Variants in PSIP1 observed in about 807,000 individuals in gnomAD.
PSIP1 encodes the protein PC4 and SRSF1 interacting protein 1, also known as PC4 and SFRS1-interacting protein.
PSIP1 carries 19 observed loss-of-function variants against 74.7 expected under a neutral mutation model. The ratio of observed to expected loss-of-function variants is 0.25; its 90% CI spans 0.18 to 0.37. The LOEUF (loss-of-function observed/expected upper bound fraction) is 0.37, where lower values mean the gene tolerates loss of function less well. Among genes scored for constraint, PSIP1 ranks in the 10% least tolerant of loss-of-function variants. PSIP1 has a pLI of 1.00. For missense variants in PSIP1, 601 were observed against 614.3 expected (o/e 0.98, Z 0.23); for synonymous variants, 222 against 195.3 (o/e 1.14, Z -1.14).
intron 15 of PSIP1, among the ~76,000 whole-genome samples, chr9:15,466,386 A>T (rs1587447299): frequency 6.6e-6 from 1 of 152,116 alleles, no homozygotes; most frequent in East Asian, 1.9e-4. Context: ...CTCAAAGAAA[A>T]AACAACAACA....
intron 3 of PSIP1, among the ~76,000 whole-genome samples, chr9:15,493,655 C>T (rs1271897069): frequency 2.0e-5 from 3 of 152,130 alleles, no homozygotes; most frequent in African/African-American, 4.8e-5. Context: ...GGGGAGGCCT[C>T]AGGAAACTTA....
intron 5 of PSIP1, 37 bp downstream of exon 5, chr9:15,486,790 A>C: frequency 4.2e-6 from 6 of 1,443,200 alleles, no homozygotes; most frequent in Non-Finnish European, 5.8e-6. Context: ...TCCTTGAAAC[A>C]AAATGGGTTT....
At chr9:15,493,722 C>G (rs987847072) in intron 3 of PSIP1, among the ~76,000 whole-genome samples, 34 of 152,274 alleles carry the variant, frequency 2.2e-4, no homozygotes, top group African/African-American at 8.2e-4. Flanking sequence ...TGAGCGCAAG[C>G]AGGGGAAATG....
In PSIP1 at chr9:15,510,169, G is replaced by C; in HGVS notation, c.20C>G (p.Pro7Arg). Residue 7 changes from proline to arginine, a missense_variant, in exon 2 of 16, where the codon CCT becomes CGT. This residue lies in a region of PSIP1 where 63 missense variants were observed against 106.7 expected (regional missense o/e 0.59). Transcript: ENST00000380733. ...CATCTTGGCGAAGATGAGGTCTCCAGGTTTGAAATCGCGAGTCATGTTTCG... is the reference window on the plus strand; with the variant it reads ...CATCTTGGCGAAGATGAGGTCTCCACGTTTGAAATCGCGAGTCATGTTTCG... MTRDFK[P>R]GDLIFAKMKG... The C allele has an allele frequency of 6.2e-7, 1 of 1,606,768 alleles. No homozygotes were observed. The highest frequency in any genetic ancestry group is 8.5e-7 in the Non-Finnish European group (1 of 1,176,860).
chr9:15,473,965 A>T (rs750648344), intron 9 of PSIP1, 44 bp downstream of exon 9: 1 of 1,369,926 alleles, frequency 7.3e-7, no homozygotes, highest in Admixed American at 2.3e-5. Context: ...ATATATATAT[A>T]AACTAAGAAT....
intron 10 of PSIP1, chr9:15,472,372 G>C (rs1225236854): frequency 1.6e-6 from 2 of 1,265,940 alleles, no homozygotes; most frequent in African/African-American, 3.1e-5. Context: ...TGCAAAGCCA[G>C]TATCAATTAA....
At position 15,470,523 on chromosome 9, in the gene PSIP1, C is replaced by T. The variant is rs150302178; in HGVS notation, c.978-530G>A. The T allele has an allele frequency of 3.6e-4, 301 of 835,294 alleles. 1 individual carries two copies. The African/African-American group carries it at 5.4e-3, about 15-fold the overall frequency. 51.7% of individuals were successfully genotyped at this position (835,294 alleles called of 1,614,324 possible). A position where few individuals can be genotyped will look rare whatever the true frequency, so the allele number is the denominator to read the frequency against. ...AAAGGTACCATTTTATTGTCAATCA[C>T]AAAAATAACCACTTAAAATTGAAAT... On this transcript the variant is annotated intron_variant, in intron 10 of 15. Transcript: ENST00000380733.
At chr9:15,472,045 T>G (rs1025006513) in intron 10 of PSIP1, 16 of 971,814 alleles carry the variant, frequency 1.6e-5, no homozygotes, top group Non-Finnish European at 2.0e-5. Context: ...TAAAATTATA[T>G]AGTAAGGGGA....
intron 3 of PSIP1, among the ~76,000 whole-genome samples, chr9:15,493,703 G>C (rs960653609): frequency 6.6e-6 from 1 of 152,202 alleles, no homozygotes; most frequent in Non-Finnish European, 1.5e-5. Context: ...AGGGACCCAG[G>C]AGAGGGAATG....
intron 3 of PSIP1, chr9:15,505,857 G>C (rs1255653118): frequency 1.3e-5 from 2 of 152,112 alleles, no homozygotes; most frequent in African/African-American, 4.8e-5. Flanking sequence ...CAATAGTTTT[G>C]TTTCTCCTCA....
chr9:15,467,173 G>GT (rs1399373800), intron 14 of PSIP1, among the ~76,000 whole-genome samples: 1 of 152,106 alleles, frequency 6.6e-6, no homozygotes, highest in Non-Finnish European at 1.5e-5. Flanking sequence ...ACTATTACCA[G>GT]GAATACTACA....
intron 7 of PSIP1, among the ~76,000 whole-genome samples, chr9:15,478,945 T>C (rs1248648678): frequency 6.6e-6 from 1 of 151,966 alleles, no homozygotes; most frequent in East Asian, 1.9e-4. Flanking sequence ...ATTCACTGAG[T>C]TTCCCTAGCA....
intron 6 of PSIP1, among the ~76,000 whole-genome samples, chr9:15,485,628 G>A (rs1422651634): frequency 2.6e-5 from 4 of 152,024 alleles, no homozygotes; most frequent in African/African-American, 9.7e-5. Context: ...ACAACATAAT[G>A]GACAACACTT....
intron 14 of PSIP1, among the ~76,000 whole-genome samples, chr9:15,467,796 C>T (rs74880689): frequency 0.039 from 5,916 of 152,222 alleles, 379 homozygotes; most frequent in African/African-American, 0.14. Context: ...GGTTCAGTGC[C>T]TTACATATAT....
intron 6 of PSIP1, among the ~76,000 whole-genome samples, chr9:15,483,627 C>G (rs2036432284): frequency 6.6e-6 from 1 of 152,126 alleles, no homozygotes; most frequent in Admixed American, 6.5e-5. Context: ...ACTGACTACT[C>G]AAATCCATGC....
chr9:15,476,139 A>T (rs1332029574), intron 8 of PSIP1, among the ~76,000 whole-genome samples: 1 of 152,208 alleles, frequency 6.6e-6, no homozygotes. Context: ...CCAGATACAC[A>T]GCCAAGAGTA....
At chr9:15,509,998 C>A in intron 2 of PSIP1, 119 bp downstream of exon 2, 1 of 1,044,164 alleles carries the variant, frequency 9.6e-7, no homozygotes, top group Non-Finnish European at 1.4e-6. Context: ...GGTCAGGTTA[C>A]AAATGAGACT....
chr9:15,471,352 G>A (rs756443953), intron 10 of PSIP1: 1 of 1,564,122 alleles, frequency 6.4e-7, no homozygotes, highest in Non-Finnish European at 8.8e-7. Context: ...GAGAAGGAAA[G>A]AAAACACAAA....
In PSIP1 at chr9:15,472,223, TG is replaced by T. The variant is rs545701255; in HGVS notation, c.977+408del. On this transcript the variant is annotated intron_variant, in intron 10 of 15. Transcript: ENST00000380733. ...CCAAATGTGCTTTTGTTACTTTTGCTGGTCTTTAGGGTGAGGCCTGCTTGGT... is the reference window on the plus strand; with the variant it reads ...CCAAATGTGCTTTTGTTACTTTTGCTGTCTTTAGGGTGAGGCCTGCTTGGT... 9.0e-5 allele frequency: 89 copies of T among 989,316 alleles called. 1 individual carries two copies. In the East Asian group the frequency reaches 8.3e-3, roughly 92 times the overall value. The allele number at this position is 989,316 out of a possible 1,614,324, so 61.3% of individuals were successfully genotyped here.
Sources: gnomAD v4.1 joint callset for allele counts (sites outside exome capture counted in the v4.1 genomes callset) on GRCh38, gnomAD v4.1.1 for gene constraint, gnomAD v4.1.1 regional missense constraint, MANE v1.5 for transcripts, NCBI Gene and HGNC (gene_info 2026-07-23, HGNC 2026-07-21) for gene names.